SGPL1: variants seen among roughly 807,000 people sequenced by gnomAD.
SGPL1 encodes the protein sphingosine-1-phosphate lyase 1.
A neutral mutation model predicts 68.9 loss-of-function variants in SGPL1; 37 were observed. The observed-to-expected ratio is 0.54, with a 90% CI of 0.41 to 0.71. The LOEUF is 0.71. Among genes scored for constraint, SGPL1 ranks in the 30% least tolerant of loss-of-function variants. The pLI is 0.00. For synonymous variants in SGPL1, 236 were observed against 248.5 expected, an observed-to-expected ratio of 0.95 and a Z score of 0.47; for missense variants, 551 against 704.6, an observed-to-expected ratio of 0.78 and a Z score of 2.47.
At chr10:70,871,755 C>A in intron 10 of SGPL1, 82 bp from the exon 11 acceptor site, 1 of 1,338,106 alleles carries the variant, frequency 7.5e-7, no homozygotes, top group Non-Finnish European at 1.0e-6. Context: ...TGTTTATAGC[C>A]CATCTTTCCA....
chr10:70,861,511 C>T lies in SGPL1; in HGVS notation c.615+2012C>T, dbSNP rs551350979. On this transcript the variant is annotated intron_variant, in intron 7 of 14. Coordinates refer to ENST00000373202, the MANE Select transcript of SGPL1 (RefSeq NM_003901.4). ...CCTCACAGCCCTCGCTCGCTCTCGG[C>T]GCCTCCTCTGCCTGGGCTCCCACTT... 8.5e-4 allele frequency among the ~76,000 whole-genome samples: 130 copies of T among 152,292 alleles called. 1 individual carries two copies. The highest frequency in any genetic ancestry group is 2.8e-3 in the African/African-American group (116 of 41,544).
chr10:70,826,393 C>A (rs558339144), intron 2 of SGPL1, among the ~76,000 whole-genome samples: 8 of 152,288 alleles, frequency 5.3e-5, no homozygotes, highest in African/African-American at 1.9e-4. Context: ...GTAGTGCATC[C>A]CCTCCTGGGC....
At chr10:70,827,384 AT>A (rs1314538765) in intron 2 of SGPL1, among the ~76,000 whole-genome samples, 2 of 152,106 alleles carry the variant, frequency 1.3e-5, no homozygotes, top group Non-Finnish European at 1.5e-5. Flanking sequence ...TTATTAATAG[AT>A]TTTGCTGTAT....
chr10:70,853,843 A>C (rs79779964), intron 4 of SGPL1, among the ~76,000 whole-genome samples: 1,850 of 152,336 alleles, frequency 0.012, 36 homozygotes, highest in African/African-American at 0.041. Context: ...GAGATACATT[A>C]GAGTCTTCCT....
chr10:70,834,897 G>A (rs775161468), intron 2 of SGPL1, among the ~76,000 whole-genome samples: 12 of 152,200 alleles, frequency 7.9e-5, no homozygotes, highest in Non-Finnish European at 1.3e-4. Flanking sequence ...TTTGTGACCT[G>A]TAGGCCTCAA....
Position 70,877,290 on chromosome 10 carries a change from T to C in SGPL1, c.1662T>C (p.Thr554=). 6.2e-7 allele frequency: 1 copy of C among 1,614,198 alleles called. No individual in the cohort carries two copies. Among genetic ancestry groups the C allele is most frequent in the East Asian group, 2.2e-5 (1 of 44,886 alleles). The change falls in exon 15 of 15, where the codon ACT becomes ACC. Residue 554 remains threonine, a synonymous_variant. Transcript: ENST00000373202. The part of the protein sequence containing the change: ...VFLDSLYSTD[T]VTQGSQMNGS... ...TGGACAGCTTGTACAGCACCGACACTGTCACCCAGGGCAGCCAGATGAATG... is the reference window on the plus strand; with the variant it reads ...TGGACAGCTTGTACAGCACCGACACCGTCACCCAGGGCAGCCAGATGAATG...
chr10:70,880,136 G>A lies in SGPL1; in HGVS notation c.*2801G>A, dbSNP rs1333531170. The A allele has an allele frequency of 6.6e-6, 1 of 152,600 alleles. No individual in the cohort carries two copies. Among genetic ancestry groups the A allele is most frequent in the Non-Finnish European group, 1.5e-5 (1 of 68,042 alleles). The allele number at this position is 152,600 out of a possible 1,614,324, so 9.5% of individuals were successfully genotyped here. On this transcript the variant is annotated 3_prime_UTR_variant, in exon 15 of 15. Transcript: ENST00000373202. The stretch of plus-strand genomic sequence containing the variant: ...TTACTGTGGATGGTTGCATTCATTT[G>A]ATTACTTGGGCACACACGAGATGAC...
rs1452051645 is a variant in SGPL1, at chr10:70,881,162, C to G, written c.*3827C>G. ...TATTTGGATTAATTTTAGAATAAAC[C>G]TATTTATTTCTAAAAAAAAAAAGAA... On this transcript the variant is annotated 3_prime_UTR_variant, in exon 15 of 15. Coordinates refer to ENST00000373202, the MANE Select transcript of SGPL1 (RefSeq NM_003901.4). 6.6e-6 allele frequency: 1 copy of G among 151,528 alleles called. No individual in the cohort carries two copies. The highest frequency in any genetic ancestry group is 2.4e-5 in the African/African-American group (1 of 41,152). The allele number at this position is 151,528 out of a possible 1,614,324, so 9.4% of individuals were successfully genotyped here.
chr10:70,841,585 C>T (rs1056596876), intron 2 of SGPL1, among the ~76,000 whole-genome samples: 1 of 152,110 alleles, frequency 6.6e-6, no homozygotes, highest in Admixed American at 6.6e-5. Flanking sequence ...ATCTTATTCA[C>T]GAGGCCTCTG....
chr10:70,840,752 A>G (rs552207678), intron 2 of SGPL1, among the ~76,000 whole-genome samples: 1 of 152,328 alleles, frequency 6.6e-6, no homozygotes, highest in South Asian at 2.1e-4. Context: ...ACAAATACAA[A>G]GAAAATATAT....
rs549340416 is a variant in SGPL1 at position 70,880,837 on chromosome 10, T to G, written c.*3502T>G. On this transcript the variant is annotated 3_prime_UTR_variant, in exon 15 of 15. Coordinates refer to ENST00000373202, the MANE Select transcript of SGPL1 (RefSeq NM_003901.4). Reference sequence around the variant, plus strand: ...AAAGAGGATCCAGGATGTACTTGGATGAGGAGGCCTGGCTTATCTAGGAAG... The same window carrying G: ...AAAGAGGATCCAGGATGTACTTGGAGGAGGAGGCCTGGCTTATCTAGGAAG... 45 of 152,282 alleles carry G rather than the reference T, an allele frequency of 3.0e-4. No homozygotes were observed. Among genetic ancestry groups the G allele is most frequent in the African/African-American group, 1.1e-3 (45 of 41,570 alleles). 9.4% of individuals were successfully genotyped at this position (152,282 alleles called of 1,614,324 possible).
At chr10:70,837,647 T>C (rs1845646800) in intron 2 of SGPL1, among the ~76,000 whole-genome samples, 1 of 152,210 alleles carries the variant, frequency 6.6e-6, no homozygotes, top group African/African-American at 2.4e-5. Flanking sequence ...GAGACAACAT[T>C]ACAGAGTAGA....
chr10:70,873,783 G>A (rs753452653), intron 12 of SGPL1, among the ~76,000 whole-genome samples, 194 bp downstream of exon 12: 1 of 152,216 alleles, frequency 6.6e-6, no homozygotes, highest in Non-Finnish European at 1.5e-5. Flanking sequence ...TCTCTGCCCT[G>A]ACTTTTGGAG....
chr10:70,859,770 T>C (rs1191139244), intron 7 of SGPL1, among the ~76,000 whole-genome samples: 1 of 152,152 alleles, frequency 6.6e-6, no homozygotes, highest in Non-Finnish European at 1.5e-5. Flanking sequence ...TTCTAGATAT[T>C]TTTATTTTCA....
rs1028229422 is a variant in SGPL1 at position 70,878,877 on chromosome 10, G to A, written c.*1542G>A. ...AAACAGGATAGGAAAGCAGAATGGCGAGCAGCCTATGGCCCAGGGCCTGTA... is the reference window on the plus strand; with the variant it reads ...AAACAGGATAGGAAAGCAGAATGGCAAGCAGCCTATGGCCCAGGGCCTGTA... On this transcript the variant is annotated 3_prime_UTR_variant, in exon 15 of 15. Coordinates refer to ENST00000373202, the MANE Select transcript of SGPL1 (RefSeq NM_003901.4). 1 of 152,760 alleles carries A rather than the reference G, an allele frequency of 6.5e-6. No homozygotes were observed. Among genetic ancestry groups the A allele is most frequent in the Non-Finnish European group, 1.5e-5 (1 of 68,150 alleles). The allele number at this position is 152,760 out of a possible 1,614,324, so 9.5% of individuals were successfully genotyped here. A position where few individuals can be genotyped will look rare whatever the true frequency, so the allele number is the denominator to read the frequency against.
chr10:70,871,718 T>C (rs1363873373), intron 10 of SGPL1, 119 bp from the exon 11 acceptor site: 3 of 859,438 alleles, frequency 3.5e-6, no homozygotes, highest in African/African-American at 3.4e-5. Context: ...TTTAAAAACA[T>C]GGGAGGCATA....
chr10:70,842,722 C>T (rs1343544236), intron 2 of SGPL1, among the ~76,000 whole-genome samples: 4 of 152,136 alleles, frequency 2.6e-5, no homozygotes, highest in Non-Finnish European at 5.9e-5. Context: ...CCCACCAGAC[C>T]TCATCTCCAA....
chr10:70,840,570 G>A (rs944661818), intron 2 of SGPL1, among the ~76,000 whole-genome samples: 15 of 152,074 alleles, frequency 9.9e-5, no homozygotes, highest in African/African-American at 1.9e-4. Context: ...ACCTTAGAAT[G>A]ATGCCAGGAG....
At chr10:70,873,240 C>A in intron 11 of SGPL1, 111 bp from the exon 12 acceptor site, 1 of 838,580 alleles carries the variant, frequency 1.2e-6, no homozygotes, top group Non-Finnish European at 2.0e-6. Context: ...GGAAACATAA[C>A]AGAGAAACTG....
Sources: gnomAD v4.1 joint callset for allele counts (sites outside exome capture counted in the v4.1 genomes callset) on GRCh38, gnomAD v4.1.1 for gene constraint, MANE v1.5 for transcripts, NCBI Gene and HGNC (gene_info 2026-07-23, HGNC 2026-07-21) for gene names.